GRIN2B: variants seen among roughly 807,000 people sequenced by gnomAD.
GRIN2B encodes glutamate ionotropic receptor NMDA type subunit 2B, also known as glutamate receptor ionotropic, NMDA 2B.
GRIN2B carries 5 observed loss-of-function variants against 114.5 expected under a neutral mutation model. The observed-to-expected ratio is 0.04, with a 90% CI of 0.02 to 0.09. GRIN2B has a LOEUF of 0.09. Ranked by LOEUF, GRIN2B falls within the 10% of genes least tolerant of loss-of-function variation. GRIN2B has a pLI of 1.00. For synonymous variants in GRIN2B, 787 were observed against 745.1 expected (o/e 1.06, Z -0.92); for missense variants, 1,108 against 1,943.5 (o/e 0.57, Z 8.08).
chr12:13,566,879 A>C (rs766258515), intron 13 of GRIN2B, 146 bp downstream of exon 13: 76 of 693,506 alleles, frequency 1.1e-4, no homozygotes, highest in Non-Finnish European at 1.9e-4. Flanking sequence ...CATATCACAC[A>C]AACTCCTAAG....
At chr12:13,670,498 T>C (rs1270289305) in intron 5 of GRIN2B, among the ~76,000 whole-genome samples, 1 of 152,156 alleles carries the variant, frequency 6.6e-6, no homozygotes, top group African/African-American at 2.4e-5. Flanking sequence ...CTGCATTTCA[T>C]TTTTATTATC....
At chr12:13,793,560 T>C (rs1472503953) in intron 3 of GRIN2B, among the ~76,000 whole-genome samples, 3 of 152,236 alleles carry the variant, frequency 2.0e-5, no homozygotes, top group Non-Finnish European at 1.5e-5. Flanking sequence ...CTAATGGCCA[T>C]GCCAATTGTG....
chr12:13,768,870 T>TA (rs1389108443), intron 3 of GRIN2B, among the ~76,000 whole-genome samples: 1 of 151,990 alleles, frequency 6.6e-6, no homozygotes, highest in African/African-American at 2.4e-5. Flanking sequence ...CCGTCTCTAC[T>TA]AAAAATACAA....
intron 5 of GRIN2B, among the ~76,000 whole-genome samples, chr12:13,634,972 T>C (rs1046109905): frequency 2.0e-5 from 3 of 152,122 alleles, no homozygotes; most frequent in South Asian, 2.1e-4. Flanking sequence ...AAGAGAAGGG[T>C]AACAATCTTC....
rs961348211 is a variant in GRIN2B, at chr12:13,556,709, A to G, written c.*6074T>C. On this transcript the variant is annotated 3_prime_UTR_variant, in exon 14 of 14. Coordinates refer to ENST00000609686, the MANE Select transcript of GRIN2B (RefSeq NM_000834.5). The stretch of plus-strand genomic sequence containing the variant: ...CCAAAACACAGATTCTACACACCAG[A>G]GTGCCAAGGCTCTGAGGAATTCTAC... 3.9e-5 allele frequency: 6 copies of G among 152,156 alleles called. No individual in the cohort carries two copies. Among genetic ancestry groups the G allele is most frequent in the African/African-American group, 1.4e-4 (6 of 41,436 alleles). The allele number at this position is 152,156 out of a possible 1,614,324, so 9.4% of individuals were successfully genotyped here.
chr12:13,787,077 T>A (rs1864234937), intron 3 of GRIN2B, among the ~76,000 whole-genome samples: 1 of 152,192 alleles, frequency 6.6e-6, no homozygotes. Context: ...CTAAGAAATA[T>A]CTTTTTAAAA....
chr12:13,814,552 T>C (rs752276912), intron 3 of GRIN2B, among the ~76,000 whole-genome samples: 1 of 152,188 alleles, frequency 6.6e-6, no homozygotes, highest in Non-Finnish European at 1.5e-5. Flanking sequence ...AACAAAACAT[T>C]TTCTCCACCA....
At chr12:13,860,154 A>C (rs1004868183) in intron 3 of GRIN2B, among the ~76,000 whole-genome samples, 11 of 152,044 alleles carry the variant, frequency 7.2e-5, no homozygotes, top group African/African-American at 2.7e-4. Flanking sequence ...CTCTCTCCAA[A>C]CCCACTGTCA....
chr12:13,833,294 A>G (rs1865187262), intron 3 of GRIN2B, among the ~76,000 whole-genome samples: 3 of 152,166 alleles, frequency 2.0e-5, no homozygotes, highest in Admixed American at 6.5e-5. Context: ...TAGGTACTCA[A>G]ACAGGAGAAT....
In GRIN2B at chr12:13,543,994, A is replaced by G. The variant is rs1591594085; in HGVS notation, c.*18789T>C. ...CAATTGTCCTCTCTCCCTAGGCATCATCAATTTTTCCTTTCTCCTGGATTA... is the reference window on the plus strand; with the variant it reads ...CAATTGTCCTCTCTCCCTAGGCATCGTCAATTTTTCCTTTCTCCTGGATTA... On this transcript the variant is annotated 3_prime_UTR_variant, in exon 14 of 14. Coordinates refer to ENST00000609686, the MANE Select transcript of GRIN2B (RefSeq NM_000834.5). The G allele has an allele frequency of 2.6e-5, 4 of 152,264 alleles. 1 individual carries two copies. Among genetic ancestry groups the G allele is most frequent in the Admixed American group, 2.6e-4 (4 of 15,290 alleles). 9.4% of individuals were successfully genotyped at this position (152,264 alleles called of 1,614,324 possible).
intron 10 of GRIN2B, among the ~76,000 whole-genome samples, chr12:13,595,272 C>CTG (rs750046404): frequency 2.6e-5 from 4 of 151,976 alleles, no homozygotes; most frequent in Admixed American, 2.0e-4. Context: ...TGATTTCTTC[C>CTG]TGTGTGTGTG....
chr12:13,911,627 C>G (rs938238340), intron 2 of GRIN2B, among the ~76,000 whole-genome samples: 5 of 152,126 alleles, frequency 3.3e-5, no homozygotes, highest in African/African-American at 9.7e-5. Context: ...TTCTCCCTCC[C>G]TTTTCCACGA....
chr12:13,581,773 G>A (rs527241725), intron 10 of GRIN2B, among the ~76,000 whole-genome samples: 1 of 152,192 alleles, frequency 6.6e-6, no homozygotes, highest in African/African-American at 2.4e-5. Context: ...AGCCAGGTGT[G>A]GTGGCGCATG....
At chr12:13,717,718 C>A (rs542730859) in intron 4 of GRIN2B, among the ~76,000 whole-genome samples, 2 of 152,112 alleles carry the variant, frequency 1.3e-5, no homozygotes, top group South Asian at 4.1e-4. Context: ...CTACCTATAC[C>A]TTCACTGTCA....
In GRIN2B at chr12:13,557,667, A is replaced by G. The variant is rs777724673; in HGVS notation, c.*5116T>C. Reference sequence around the variant, plus strand: ...ACCAGGAGTCCTATTTAGGTGTCAAATGAGGCTTAAATAAAAGCAGGCGGA... The same window carrying G: ...ACCAGGAGTCCTATTTAGGTGTCAAGTGAGGCTTAAATAAAAGCAGGCGGA... On this transcript the variant is annotated 3_prime_UTR_variant, in exon 14 of 14. Coordinates refer to ENST00000609686, the MANE Select transcript of GRIN2B (RefSeq NM_000834.5). 1.3e-5 allele frequency: 2 copies of G among 152,202 alleles called. No individual in the cohort carries two copies. Among genetic ancestry groups the G allele is most frequent in the Non-Finnish European group, 2.9e-5 (2 of 68,030 alleles). 9.4% of individuals were successfully genotyped at this position (152,202 alleles called of 1,614,324 possible).
intron 4 of GRIN2B, among the ~76,000 whole-genome samples, chr12:13,720,726 G>C (rs1950500485): frequency 6.6e-6 from 1 of 152,046 alleles, no homozygotes; most frequent in Non-Finnish European, 1.5e-5. Flanking sequence ...TATATAGAAA[G>C]AGCCTGAGTG....
chr12:13,615,586 A>G lies in GRIN2B; in HGVS notation c.1407T>C (p.Ser469=). Residue 469 remains serine, a synonymous_variant, in exon 7 of 14, where the codon TCT becomes TCC. Transcript: ENST00000609686. The surrounding 1 kb of genome is among the most constrained non-coding windows in gnomAD (Gnocchi z 5.8). Reference sequence around the variant, plus strand: ...GGTCATAGGTGAACTTCACAGATTTAGAAATTTTCTTAAGGATGTCAATAC... The same window carrying G: ...GGTCATAGGTGAACTTCACAGATTTGGAAATTTTCTTAAGGATGTCAATAC... ...GFCIDILKKI[S]KSVKFTYDLY... The G allele has an allele frequency of 6.2e-7, 1 of 1,612,676 alleles. No individual in the cohort carries two copies. The highest frequency in any genetic ancestry group is 8.5e-7 in the Non-Finnish European group (1 of 1,178,674).
At chr12:13,780,609 A>T (rs772927419) in intron 3 of GRIN2B, among the ~76,000 whole-genome samples, 2 of 152,208 alleles carry the variant, frequency 1.3e-5, no homozygotes, top group African/African-American at 4.8e-5. Context: ...GTGGGAAGGG[A>T]ATGTAAAGAA....
intron 3 of GRIN2B, among the ~76,000 whole-genome samples, chr12:13,839,280 G>T (rs923150090): frequency 2.6e-5 from 4 of 152,208 alleles, no homozygotes; most frequent in East Asian, 1.9e-4. Context: ...AGGGAGACAG[G>T]TTGGATCAGG....
Sources: allele counts gnomAD v4.1 joint callset (sites outside exome capture counted in the v4.1 genomes callset), GRCh38; gene constraint gnomAD v4.1.1; non-coding constraint Gnocchi (gnomAD v3.1); transcripts MANE v1.5; gene names NCBI Gene and HGNC (gene_info 2026-07-23, HGNC 2026-07-21).